The following ROCK1 variants were observed in gnomAD, a reference collection of about 807,000 sequenced individuals.
The protein encoded by ROCK1 is Rho associated coiled-coil containing protein kinase 1, also known as rho-associated protein kinase 1.
In ROCK1, 36 loss-of-function variants were observed where a neutral mutation model predicts 196.8. The ratio of observed to expected loss-of-function variants is 0.18; its 90% confidence interval spans 0.14 to 0.24. The LOEUF (loss-of-function observed/expected upper bound fraction) is 0.24. Among genes scored for constraint, ROCK1 ranks in the 10% least tolerant of loss-of-function variants. The pLI is 1.00. For synonymous variants in ROCK1, 443 were observed against 515.9 expected (o/e 0.86, Z 1.91); for missense variants, 920 against 1,562.0 (o/e 0.59, Z 6.93).
At chr18:21,104,943 A>G (rs1201727039) in intron 1 of ROCK1, among the ~76,000 whole-genome samples, 2 of 152,228 alleles carry the variant, frequency 1.3e-5, no homozygotes, top group East Asian at 3.8e-4. Context: ...ACGCACAGCT[A>G]GATTATGAAT....
Position 21,006,808 on chromosome 18 carries a change from A to C in ROCK1, c.1547-18T>G. ...TGTAGAAACTAGAAAATGAAAGAAT[A>C]ATATATAGAAATTACAACATTTTCA... On this transcript the variant is annotated intron_variant, in intron 14 of 32. Coordinates refer to ENST00000399799, the MANE Select transcript of ROCK1 (RefSeq NM_005406.3). 2 of 1,422,678 alleles carry C rather than the reference A, an allele frequency of 1.4e-6. No individual in the cohort carries two copies. Among genetic ancestry groups the C allele is most frequent in the Non-Finnish European group, 1.9e-6 (2 of 1,036,196 alleles). The allele number at this position is 1,422,678 out of a possible 1,614,324, so 88.1% of individuals were successfully genotyped here.
At chr18:21,042,825 T>C in intron 6 of ROCK1, 116 bp from the exon 7 acceptor site, 2 of 1,024,308 alleles carry the variant, frequency 2.0e-6, no homozygotes, top group Non-Finnish European at 2.8e-6. Flanking sequence ...TAAAATATCA[T>C]ATATTAAAAC....
intron 1 of ROCK1, among the ~76,000 whole-genome samples, chr18:21,097,792 G>T (rs1390862547): frequency 6.6e-6 from 1 of 152,176 alleles, no homozygotes; most frequent in Admixed American, 6.6e-5. Context: ...TTCTATGAGG[G>T]TCTATGATTA....
At chr18:20,999,857 C>T (rs1231952803) in intron 16 of ROCK1, among the ~76,000 whole-genome samples, 1 of 152,154 alleles carries the variant, frequency 6.6e-6, no homozygotes, top group Non-Finnish European at 1.5e-5. Context: ...AACTCCTGTG[C>T]TCAAGTGATC....
chr18:21,045,194 C>A (rs974794385), intron 5 of ROCK1, 98 bp downstream of exon 5: 3 of 1,107,562 alleles, frequency 2.7e-6, no homozygotes, highest in South Asian at 1.7e-5. Context: ...TTATGTCATA[C>A]GGAAGAAGAA....
intron 27 of ROCK1, among the ~76,000 whole-genome samples, chr18:20,961,629 T>C (rs2035327396): frequency 6.6e-6 from 1 of 152,112 alleles, no homozygotes; most frequent in Non-Finnish European, 1.5e-5. Context: ...CACTATTCTG[T>C]TCGCAAACAA....
intron 1 of ROCK1, among the ~76,000 whole-genome samples, chr18:21,103,228 G>C (rs1047336580): frequency 3.3e-5 from 5 of 151,980 alleles, no homozygotes; most frequent in African/African-American, 1.2e-4. Flanking sequence ...AATTATGAAC[G>C]TAAGTCACAA....
chr18:21,081,234 G>A (rs1480251196), intron 1 of ROCK1, among the ~76,000 whole-genome samples: 1 of 152,056 alleles, frequency 6.6e-6, no homozygotes, highest in East Asian at 1.9e-4. Flanking sequence ...AATTACAAAC[G>A]TGGAAATTAG....
chr18:21,015,950 A>C (rs914215799), intron 12 of ROCK1, among the ~76,000 whole-genome samples: 4 of 151,940 alleles, frequency 2.6e-5, no homozygotes, highest in Non-Finnish European at 5.9e-5. Context: ...ACTGTACTCC[A>C]GCCTGGGTGA....
intron 1 of ROCK1, among the ~76,000 whole-genome samples, chr18:21,090,685 C>G (rs1409212802): frequency 6.6e-6 from 1 of 152,206 alleles, no homozygotes; most frequent in Non-Finnish European, 1.5e-5. Context: ...ATCTTCAGCT[C>G]TTGTTACAGA....
At chr18:21,019,048 A>G (rs1274350195) in intron 12 of ROCK1, among the ~76,000 whole-genome samples, 1 of 152,216 alleles carries the variant, frequency 6.6e-6, no homozygotes, top group Middle Eastern at 3.2e-3. Context: ...TGCTCTGGTG[A>G]ACCACAGTGG....
intron 9 of ROCK1, among the ~76,000 whole-genome samples, chr18:21,031,604 CA>C (rs781463990): frequency 0.16 from 8,512 of 51,856 alleles, 105 homozygotes; most frequent in Non-Finnish European, 0.22. Flanking sequence ...GACTCCATCT[CA>C]AAAAAAAAAA....
At chr18:20,969,360 A>C in intron 23 of ROCK1, 152 bp from the exon 24 acceptor site, 1 of 512,788 alleles carries the variant, frequency 2.0e-6, no homozygotes, top group Non-Finnish European at 3.4e-6. Flanking sequence ...ATGTAATTAC[A>C]TCAAAAATAT....
rs372551682 is a variant in ROCK1, at chr18:21,110,801, A to T, written c.93+17T>A. 14 of 1,604,594 alleles carry T rather than the reference A, an allele frequency of 8.7e-6. No individual in the cohort carries two copies. Among genetic ancestry groups the T allele is most frequent in the Non-Finnish European group, 1.2e-5 (14 of 1,171,360 alleles). On this transcript the variant is annotated intron_variant, in intron 1 of 32. Transcript: ENST00000399799. ...ATGCAAAACCCCAGACAAGCAAAAG[A>T]GAACAGCGCTACTCACCAGCAAACA... is the stretch of plus-strand genomic sequence containing the variant.
chr18:21,017,108 C>T (rs1169674550), intron 12 of ROCK1, among the ~76,000 whole-genome samples: 1 of 151,508 alleles, frequency 6.6e-6, no homozygotes, highest in Non-Finnish European at 1.5e-5. Flanking sequence ...TCTGACAAAA[C>T]AGTACAGGCA....
In ROCK1 at chr18:21,023,685, G is replaced by C; in HGVS notation, c.1212-5C>G. The C allele has an allele frequency of 6.5e-7, 1 of 1,541,310 alleles. No homozygotes were observed. On this transcript the variant is annotated splice_polypyrimidine_tract_variant and splice_region_variant and intron_variant, in intron 10 of 32. Transcript: ENST00000399799. ...GGATTTGCTGAAGATAAGTATCTGA[G>C]GGAAAGAAAAGTTTAAAAAGAAAAG...
intron 16 of ROCK1, among the ~76,000 whole-genome samples, chr18:21,005,158 T>A (rs1220302147): frequency 6.6e-6 from 1 of 152,172 alleles, no homozygotes; most frequent in African/African-American, 2.4e-5. Flanking sequence ...AATATGTGAG[T>A]AGGTAAAGCC....
In ROCK1 at chr18:20,968,874, ATAT is replaced by A. The variant is rs776340435; in HGVS notation, c.2915-17_2915-15del. ...CCAGTTTATATTCTGTCAACAAATT[ATAT>A]TAAATGTTATTGTATGGTATTAATT... On this transcript the variant is annotated splice_polypyrimidine_tract_variant and intron_variant, in intron 24 of 32. Coordinates refer to ENST00000399799, the MANE Select transcript of ROCK1 (RefSeq NM_005406.3). The A allele has an allele frequency of 6.8e-7, 1 of 1,469,602 alleles. No homozygotes were observed. Among genetic ancestry groups the A allele is most frequent in the Non-Finnish European group, 9.5e-7 (1 of 1,050,300 alleles). 91.0% of individuals were successfully genotyped at this position (1,469,602 alleles called of 1,614,324 possible).
chr18:20,964,809 G>A (rs1298506919), intron 27 of ROCK1, among the ~76,000 whole-genome samples: 1 of 152,142 alleles, frequency 6.6e-6, no homozygotes, highest in Non-Finnish European at 1.5e-5. Context: ...AACCTAAATG[G>A]ATTCCCAGCC....
Sources: gnomAD v4.1 joint callset for allele counts (sites outside exome capture counted in the v4.1 genomes callset) on GRCh38, gnomAD v4.1.1 for gene constraint, MANE v1.5 for transcripts, NCBI Gene and HGNC (gene_info 2026-07-23, HGNC 2026-07-21) for gene names.